NFAM1: variants seen among roughly 807,000 people sequenced by gnomAD.
NFAM1 encodes NFAT activation molecule 1.
In NFAM1, 17 loss-of-function variants were observed where a neutral mutation model predicts 29.0. The observed-to-expected ratio is 0.59, with a 90% CI of 0.40 to 0.88. The LOEUF (loss-of-function observed/expected upper bound fraction) is 0.88. NFAM1 is among the 40% of genes least tolerant of loss of function. The pLI is 0.00. For missense variants in NFAM1, 324 were observed against 344.6 expected, an observed-to-expected ratio of 0.94 and a Z score of 0.47; for synonymous variants, 175 against 147.2, an observed-to-expected ratio of 1.19 and a Z score of -1.36.
chr22:42,412,525 C>T (rs1033424462), intron 1 of NFAM1, among the ~76,000 whole-genome samples: 8 of 152,226 alleles, frequency 5.3e-5, no homozygotes, highest in Non-Finnish European at 1.0e-4. Context: ...GCTCCCAACC[C>T]CTCTTCTTCC....
chr22:42,398,025 G>T, intron 3 of NFAM1, 69 bp from the exon 4 acceptor site: 1 of 795,804 alleles, frequency 1.3e-6, no homozygotes, highest in South Asian at 1.7e-5. Context: ...AGACCCCCCA[G>T]GGGAAAGGAT....
chr22:42,425,547 G>A (rs537944184), intron 1 of NFAM1, among the ~76,000 whole-genome samples: 1 of 151,824 alleles, frequency 6.6e-6, no homozygotes, highest in South Asian at 2.1e-4. Flanking sequence ...CACCCTGCCA[G>A]CTCCCTCCTT....
chr22:42,387,033 C>T lies in NFAM1; in HGVS notation c.709G>A (p.Glu237Lys). The T allele has an allele frequency of 1.3e-6, 2 of 1,586,684 alleles. No individual in the cohort carries two copies. Among genetic ancestry groups the T allele is most frequent in the Non-Finnish European group, 1.7e-6 (2 of 1,167,282 alleles). The change falls in exon 5 of 6, where the codon GAG becomes AAG. Residue 237 changes from glutamate (E) to lysine (K), a missense_variant. Transcript: ENST00000329021. ...TTGGCGGTGGGTGAGCTGCCATCCTCATTCTCGATGCAGGCATAGACCTCG... is the reference window on the plus strand; with the variant it reads ...TTGGCGGTGGGTGAGCTGCCATCCTTATTCTCGATGCAGGCATAGACCTCG... ...ETEVYACIEN[E>K]DGSSPTAKQS...
chr22:42,417,816 AG>A (rs1372693031), intron 1 of NFAM1, among the ~76,000 whole-genome samples: 1 of 152,088 alleles, frequency 6.6e-6, no homozygotes, highest in Non-Finnish European at 1.5e-5. Context: ...GTGGAGCAGG[AG>A]GGCAGCAGGG....
chr22:42,411,350 C>A, intron 2 of NFAM1, 57 bp downstream of exon 2: 1 of 1,364,484 alleles, frequency 7.3e-7, no homozygotes, highest in Non-Finnish European at 1.0e-6. Context: ...AAGTCCCAAA[C>A]TGCCATTTGA....
chr22:42,417,747 T>C (rs8139063), intron 1 of NFAM1, among the ~76,000 whole-genome samples: 44,821 of 151,624 alleles, frequency 0.3, 6,984 homozygotes, highest in Admixed American at 0.41. Flanking sequence ...TGAATGTGGA[T>C]AGGATGGTGC....
At chr22:42,403,304 A>G (rs1216598073) in intron 3 of NFAM1, among the ~76,000 whole-genome samples, 6 of 152,094 alleles carry the variant, frequency 3.9e-5, no homozygotes, top group Non-Finnish European at 7.4e-5. Flanking sequence ...GCTGATTTCT[A>G]CTTCCTTTCT....
At chr22:42,431,728 G>A (rs2146562448) in intron 1 of NFAM1, among the ~76,000 whole-genome samples, 1 of 152,334 alleles carries the variant, frequency 6.6e-6, no homozygotes, top group East Asian at 1.9e-4. Flanking sequence ...TCTGGTGACT[G>A]ACAGTTTTGT....
intron 1 of NFAM1, among the ~76,000 whole-genome samples, chr22:42,427,626 G>A (rs1351648023): frequency 1.3e-5 from 2 of 152,168 alleles, no homozygotes; most frequent in African/African-American, 4.8e-5. Context: ...TTAGCCCACC[G>A]GCCGTGGTTT....
chr22:42,396,777 G>A (rs989794565), intron 4 of NFAM1, among the ~76,000 whole-genome samples: 2 of 152,204 alleles, frequency 1.3e-5, no homozygotes, highest in African/African-American at 2.4e-5. Flanking sequence ...CCTTGGCCTC[G>A]CTGCCACCCG....
chr22:42,422,408 C>A (rs1359494373), intron 1 of NFAM1, among the ~76,000 whole-genome samples: 1 of 151,616 alleles, frequency 6.6e-6, no homozygotes, highest in African/African-American at 2.4e-5. Context: ...TAGTTCGAGA[C>A]CAGACTGGCC....
intron 1 of NFAM1, among the ~76,000 whole-genome samples, chr22:42,429,658 C>T (rs371072981): frequency 6.6e-5 from 10 of 152,052 alleles, no homozygotes; most frequent in East Asian, 1.9e-4. Flanking sequence ...AGATGAATGC[C>T]CCTGGCCTGT....
At chr22:42,413,934 A>C (rs1056438025) in intron 1 of NFAM1, among the ~76,000 whole-genome samples, 1 of 152,154 alleles carries the variant, frequency 6.6e-6, no homozygotes, top group Admixed American at 6.5e-5. Context: ...GGCACCTGTA[A>C]TCCCAGCTAC....
chr22:42,434,149 G>A (rs923275248), upstream of NFAM1, among the ~76,000 whole-genome samples: 2 of 152,188 alleles, frequency 1.3e-5, no homozygotes, highest in African/African-American at 4.8e-5. Context: ...CCGCCTCTGA[G>A]TCTGGGTCTA....
intron 5 of NFAM1, among the ~76,000 whole-genome samples, chr22:42,386,754 G>A (rs559278266): frequency 1.3e-5 from 2 of 152,328 alleles, no homozygotes; most frequent in East Asian, 1.9e-4. Context: ...CACACAAGGA[G>A]ATTCAGACAC....
At chr22:42,396,928 G>A (rs944429711) in intron 4 of NFAM1, among the ~76,000 whole-genome samples, 14 of 148,976 alleles carry the variant, frequency 9.4e-5, no homozygotes, top group Non-Finnish European at 1.5e-4. Context: ...GCCAGGGGGC[G>A]TGCACCTGGG....
intron 3 of NFAM1, among the ~76,000 whole-genome samples, chr22:42,401,716 G>A (rs996832122): frequency 4.6e-5 from 7 of 152,068 alleles, no homozygotes; most frequent in Non-Finnish European, 7.4e-5. Flanking sequence ...CTCCCAACAC[G>A]CCCAGCTCTC....
upstream of NFAM1, among the ~76,000 whole-genome samples, chr22:42,436,262 C>T (rs568904628): frequency 6.6e-6 from 1 of 152,324 alleles, no homozygotes; most frequent in African/African-American, 2.4e-5. Context: ...CCTCTGCTCC[C>T]CGCTGCGGCT....
intron 4 of NFAM1, among the ~76,000 whole-genome samples, chr22:42,397,648 C>T (rs1929574590): frequency 6.6e-6 from 1 of 152,208 alleles, no homozygotes; most frequent in Non-Finnish European, 1.5e-5. Flanking sequence ...CATTCGTATG[C>T]CTTCCAGGAG....
Sources: gnomAD v4.1 joint callset for allele counts (sites outside exome capture counted in the v4.1 genomes callset) on GRCh38, gnomAD v4.1.1 for gene constraint, MANE v1.5 for transcripts, NCBI Gene and HGNC (gene_info 2026-07-23, HGNC 2026-07-21) for gene names.